The following FREM1 variants were observed in gnomAD, a reference collection of about 807,000 sequenced individuals.
FREM1 encodes FRAS1 related extracellular matrix 1, also known as FRAS1-related extracellular matrix protein 1.
A neutral mutation model predicts 210.1 loss-of-function variants in FREM1; 220 were observed. That is an observed-to-expected ratio of 1.05 (90% CI 0.94 to 1.17). The LOEUF is 1.17. FREM1 is among the 50% of genes most tolerant of loss of function. FREM1 has a pLI of 0.00. For synonymous variants in FREM1, 1,189 were observed against 980.2 expected (o/e 1.21, Z -3.98); for missense variants, 3,454 against 2,675.5 (o/e 1.29, Z -6.42).
intron 1 of FREM1, among the ~76,000 whole-genome samples, chr9:14,881,907 CCTCCATCTTGTTGCCAAG>C (rs1834860833): frequency 6.6e-6 from 1 of 152,102 alleles, no homozygotes; most frequent in Non-Finnish European, 1.5e-5. Context: ...TTTATGCTTC[CCTCCATCTTGTTGCCAAG>C]ATGGAAGGTG....
intron 29 of FREM1, among the ~76,000 whole-genome samples, chr9:14,755,997 T>G (rs1844275442): frequency 6.6e-6 from 1 of 152,220 alleles, no homozygotes; most frequent in Non-Finnish European, 1.5e-5. Flanking sequence ...TAGGAATCCA[T>G]ATAAACATAA....
At chr9:14,889,788 C>A (rs915889662) in intron 1 of FREM1, among the ~76,000 whole-genome samples, 2 of 151,954 alleles carry the variant, frequency 1.3e-5, no homozygotes, top group African/African-American at 4.8e-5. Flanking sequence ...TGAAAAGAGA[C>A]AAATTAACAA....
At chr9:14,773,483 A>G (rs940428621) in intron 25 of FREM1, among the ~76,000 whole-genome samples, 8 of 152,104 alleles carry the variant, frequency 5.3e-5, no homozygotes, top group Non-Finnish European at 7.4e-5. Context: ...TCTCTCCTAC[A>G]CTGCTGGTGG....
At position 14,747,494 on chromosome 9, in the gene FREM1, T is replaced by G. The variant is rs1452909830; in HGVS notation, c.5845-66A>C. 9 of 1,491,728 alleles carry G rather than the reference T, an allele frequency of 6.0e-6. No homozygotes were observed. In the African/African-American group the frequency reaches 9.8e-5, roughly 16 times the overall value. 92.4% of individuals were successfully genotyped at this position (1,491,728 alleles called of 1,614,324 possible). On this transcript the variant is annotated intron_variant, in intron 32 of 36. Coordinates refer to ENST00000380880, the MANE Select transcript of FREM1 (RefSeq NM_001379081.2). ...AACATCAAGATAGCAAACAAAAAAA[T>G]GAGCAATTCAAAAATTCAGTCAAAG... is the stretch of plus-strand genomic sequence containing the variant.
intron 14 of FREM1, 106 bp from the exon 15 acceptor site, chr9:14,816,977 T>C: frequency 2.4e-6 from 1 of 408,396 alleles, no homozygotes; most frequent in Non-Finnish European, 4.4e-6. Context: ...GTTCACTAAA[T>C]AAATAAATAG....
intron 19 of FREM1, among the ~76,000 whole-genome samples, chr9:14,802,644 T>C (rs975315297): frequency 6.6e-6 from 1 of 152,212 alleles, no homozygotes; most frequent in Non-Finnish European, 1.5e-5. Flanking sequence ...GATTCAATCT[T>C]TTTTTCTCAC....
intron 1 of FREM1, among the ~76,000 whole-genome samples, chr9:14,873,571 G>T (rs891134727): frequency 1.4e-5 from 2 of 143,822 alleles, no homozygotes; most frequent in Admixed American, 7.0e-5. Flanking sequence ...TTCTTCATTA[G>T]TCTTGCTAGG....
intron 35 of FREM1, among the ~76,000 whole-genome samples, chr9:14,745,484 A>C (rs1482070542): frequency 6.6e-6 from 1 of 152,072 alleles, no homozygotes; most frequent in African/African-American, 2.4e-5. Flanking sequence ...TTTGTCATTG[A>C]TTTGTTGAAG....
intron 13 of FREM1, among the ~76,000 whole-genome samples, chr9:14,821,122 G>A (rs1412955332): frequency 6.6e-6 from 1 of 152,156 alleles, no homozygotes; most frequent in Non-Finnish European, 1.5e-5. Flanking sequence ...TTAGCATGGT[G>A]TCAACATCCT....
Position 14,816,786 on chromosome 9 carries a change from G to A in FREM1, c.2632C>T (p.His878Tyr). The A allele has an allele frequency of 7.1e-7, 1 of 1,405,906 alleles. No homozygotes were observed. Among genetic ancestry groups the A allele is most frequent in the Non-Finnish European group, 9.5e-7 (1 of 1,051,962 alleles). The allele number at this position is 1,405,906 out of a possible 1,614,324, so 87.1% of individuals were successfully genotyped here. The stretch of plus-strand genomic sequence containing the variant: ...AGAAACTTTCTACCCACCTCAACAT[G>A]TAGTACAAATTCTGCTGAATTTGTG... ...DGTNSAEFVLHVEVFPVNDEP... is the reference protein window; with the variant it reads ...DGTNSAEFVLYVEVFPVNDEP... Residue 878 changes from histidine to tyrosine, a missense_variant, in exon 15 of 37, where the codon CAT becomes TAT. His to Tyr is a moderately conservative substitution (Grantham distance 83). Coordinates refer to ENST00000380880, the MANE Select transcript of FREM1 (RefSeq NM_001379081.2).
At chr9:14,777,859 C>T (rs1848892610) in intron 24 of FREM1, among the ~76,000 whole-genome samples, 1 of 151,908 alleles carries the variant, frequency 6.6e-6, no homozygotes, top group Non-Finnish European at 1.5e-5. Context: ...TCAGGGAGGG[C>T]AGTTAGACAA....
At chr9:14,885,141 G>T (rs2132246170) in intron 1 of FREM1, among the ~76,000 whole-genome samples, 1 of 151,596 alleles carries the variant, frequency 6.6e-6, no homozygotes, top group South Asian at 2.1e-4. Flanking sequence ...AGCCAGAATG[G>T]TCTCGATCTC....
chr9:14,793,880 C>T (rs535520597), intron 21 of FREM1, among the ~76,000 whole-genome samples: 2 of 152,290 alleles, frequency 1.3e-5, no homozygotes, highest in East Asian at 3.9e-4. Flanking sequence ...CATCTTCCCT[C>T]GCAGTGGGTG....
intron 1 of FREM1, among the ~76,000 whole-genome samples, chr9:14,904,054 G>C (rs375661589): frequency 4.0e-5 from 6 of 150,158 alleles, no homozygotes; most frequent in Non-Finnish European, 5.9e-5. Context: ...CCTGGGAGGC[G>C]GAGCTTGCAG....
At chr9:14,819,660 G>T (rs1405959919) in intron 13 of FREM1, among the ~76,000 whole-genome samples, 1 of 152,152 alleles carries the variant, frequency 6.6e-6, no homozygotes, top group African/African-American at 2.4e-5. Flanking sequence ...AAGGAAACAA[G>T]GCAGATCTCT....
At chr9:14,867,420 T>C (rs1831731049) in intron 2 of FREM1, among the ~76,000 whole-genome samples, 1 of 152,206 alleles carries the variant, frequency 6.6e-6, no homozygotes, top group African/African-American at 2.4e-5. Flanking sequence ...TGTTGAATTC[T>C]AACATGTTTT....
chr9:14,759,952 T>C lies in FREM1; in HGVS notation c.5205-51A>G, dbSNP rs368955799. The C allele has an allele frequency of 5.9e-5, 86 of 1,469,632 alleles. No homozygotes were observed. In the African/African-American group the frequency reaches 8.1e-4, roughly 14 times the overall value. The allele number at this position is 1,469,632 out of a possible 1,614,324, so 91.0% of individuals were successfully genotyped here. The stretch of plus-strand genomic sequence containing the variant: ...CATGAGAATGCATAGTATATGCCTA[T>C]AGGGATTCTCTGCTGAGCGGACTAG... On this transcript the variant is annotated intron_variant, in intron 27 of 36. Coordinates refer to ENST00000380880, the MANE Select transcript of FREM1 (RefSeq NM_001379081.2).
chr9:14,752,804 C>G (rs895531815), intron 29 of FREM1, among the ~76,000 whole-genome samples: 1 of 152,008 alleles, frequency 6.6e-6, no homozygotes, highest in Non-Finnish European at 1.5e-5. Context: ...AACTCCCAAC[C>G]GACTCTCTGA....
At chr9:14,785,948 A>G (rs1441362133) in intron 23 of FREM1, among the ~76,000 whole-genome samples, 1 of 152,180 alleles carries the variant, frequency 6.6e-6, no homozygotes, top group Non-Finnish European at 1.5e-5. Flanking sequence ...TTTTAAATGT[A>G]TGACTGAGGA....
Sources: gnomAD v4.1 joint callset for allele counts (sites outside exome capture counted in the v4.1 genomes callset) on GRCh38, gnomAD v4.1.1 for gene constraint, MANE v1.5 for transcripts, NCBI Gene and HGNC (gene_info 2026-07-23, HGNC 2026-07-21) for gene names.